The following GPC6 variants were observed in gnomAD, a reference collection of about 807,000 sequenced individuals.
GPC6 encodes the protein glypican 6, also known as glypican-6.
GPC6 carries 14 observed loss-of-function variants against 55.2 expected under a neutral mutation model. The ratio of observed to expected loss-of-function variants is 0.25; its 90% confidence interval spans 0.17 to 0.40. The LOEUF (loss-of-function observed/expected upper bound fraction) is 0.40, where lower values mean the gene tolerates loss of function less well. Among genes scored for constraint, GPC6 ranks in the 10% least tolerant of loss-of-function variants. The probability of loss-of-function intolerance (pLI) is 1.00; values close to 1 mark genes in which losing one functional copy is unlikely to be tolerated. For missense variants in GPC6, 641 were observed against 708.5 expected (o/e 0.90, Z 1.08); for synonymous variants, 278 against 259.6 (o/e 1.07, Z -0.68).
At chr13:94,376,299 C>G (rs986625437) in intron 6 of GPC6, among the ~76,000 whole-genome samples, 2 of 139,910 alleles carry the variant, frequency 1.4e-5, no homozygotes, top group Non-Finnish European at 3.1e-5. Context: ...TCTGGAAAAC[C>G]CCATTGTCTC....
intron 6 of GPC6, among the ~76,000 whole-genome samples, chr13:94,356,184 G>A (rs1217404894): frequency 6.6e-6 from 1 of 152,156 alleles, no homozygotes; most frequent in African/African-American, 2.4e-5. Flanking sequence ...TCTTTATCCA[G>A]TCTATCCTTG....
intron 3 of GPC6, among the ~76,000 whole-genome samples, chr13:93,919,045 C>G (rs551021008): frequency 1.3e-5 from 2 of 152,144 alleles, no homozygotes; most frequent in Non-Finnish European, 2.9e-5. Context: ...GCACCATCCC[C>G]TTGGTGACGA....
rs1292883451 is a variant in GPC6 at position 93,717,651 on chromosome 13, A to G, written c.320-112503A>G. On this transcript the variant is annotated intron_variant, in intron 2 of 8. Coordinates refer to ENST00000377047, the MANE Select transcript of GPC6 (RefSeq NM_005708.5). ...AATTATACTTTATGTTCTGGGATAC[A>G]TGTGCAGAATGTGCAGGTTTGTTAC... 5.3e-5 allele frequency among the ~76,000 whole-genome samples: 8 copies of G among 151,880 alleles called. No individual in the cohort carries two copies. The East Asian group carries it at 1.6e-3, about 30-fold the overall frequency.
In GPC6 at chr13:93,698,321, G is replaced by A. The variant is rs140312111; in HGVS notation, c.320-131833G>A. ...GACTCATTGTCATTAAGCATTCTTCGTTGCAATGAAAAGTCTGAAACAAAT... is the reference window on the plus strand; with the variant it reads ...GACTCATTGTCATTAAGCATTCTTCATTGCAATGAAAAGTCTGAAACAAAT... On this transcript the variant is annotated intron_variant, in intron 2 of 8. Transcript: ENST00000377047. Among the ~76,000 whole-genome samples the A allele has an allele frequency of 3.8e-4, 58 of 152,084 alleles. 1 individual carries two copies. The East Asian group carries it at 9.3e-3, about 24-fold the overall frequency.
intron 1 of GPC6, among the ~76,000 whole-genome samples, chr13:93,349,759 A>G (rs570406430): frequency 2.3e-3 from 345 of 152,268 alleles, no homozygotes; most frequent in Non-Finnish European, 3.9e-3. Flanking sequence ...TGTATCAGAC[A>G]CCAGTTTTAA....
At chr13:93,928,540 G>C (rs986844560) in intron 3 of GPC6, among the ~76,000 whole-genome samples, 3 of 152,064 alleles carry the variant, frequency 2.0e-5, no homozygotes, top group African/African-American at 7.2e-5. Flanking sequence ...AACACTCTTA[G>C]CCACAGAAGT....
Position 93,838,844 on chromosome 13 carries a change from G to A in GPC6, c.711+8299G>A, listed in dbSNP as rs9561457. ...TGTCCCCAGAGTCAGGGATGGAACTGTTTGGGAACAGTTGTCTGCCTGCTG... is the reference window on the plus strand; with the variant it reads ...TGTCCCCAGAGTCAGGGATGGAACTATTTGGGAACAGTTGTCTGCCTGCTG... On this transcript the variant is annotated intron_variant, in intron 3 of 8. Transcript: ENST00000377047. Among the ~76,000 whole-genome samples, 3 of 152,240 alleles carry A rather than the reference G, an allele frequency of 2.0e-5. No homozygotes were observed. In the East Asian group the frequency reaches 5.8e-4, roughly 29 times the overall value.
intron 3 of GPC6, among the ~76,000 whole-genome samples, chr13:93,964,125 C>G (rs1218890155): frequency 6.6e-6 from 1 of 152,094 alleles, no homozygotes; most frequent in East Asian, 1.9e-4. Flanking sequence ...ATGAGATCAT[C>G]TACTAGAAAG....
chr13:94,362,897 A>G (rs1215282868), intron 6 of GPC6, among the ~76,000 whole-genome samples: 1 of 152,208 alleles, frequency 6.6e-6, no homozygotes, highest in Non-Finnish European at 1.5e-5. Flanking sequence ...ATTTTACTTT[A>G]AGTTCTGGGA....
intron 6 of GPC6, among the ~76,000 whole-genome samples, chr13:94,377,283 T>C (rs9516409): frequency 0.81 from 95,268 of 117,248 alleles, 38,931 homozygotes; most frequent in African/African-American, 0.92. Context: ...AGAAAATTTT[T>C]GCAACCTACT....
intron 2 of GPC6, among the ~76,000 whole-genome samples, chr13:93,565,261 T>C (rs1876039764): frequency 6.6e-6 from 1 of 152,128 alleles, no homozygotes; most frequent in Non-Finnish European, 1.5e-5. Context: ...ATTTTCGACT[T>C]CAATTATGTA....
chr13:93,852,986 G>A (rs7326146), intron 3 of GPC6, among the ~76,000 whole-genome samples: 2 of 151,562 alleles, frequency 1.3e-5, no homozygotes, highest in African/African-American at 2.4e-5. Flanking sequence ...ATTTCAAGGG[G>A]ATAAAATGGT....
At chr13:93,947,902 A>G (rs1350988725) in intron 3 of GPC6, among the ~76,000 whole-genome samples, 2 of 152,164 alleles carry the variant, frequency 1.3e-5, no homozygotes, top group Non-Finnish European at 2.9e-5. Flanking sequence ...TCCGTGATAG[A>G]AGGGCAGATG....
At chr13:93,681,678 GT>G (rs1315205182) in intron 2 of GPC6, among the ~76,000 whole-genome samples, 1 of 152,070 alleles carries the variant, frequency 6.6e-6, no homozygotes, top group African/African-American at 2.4e-5. Context: ...TATTTCTTCA[GT>G]TTTAAAGGAA....
At chr13:94,368,386 C>A (rs879363805) in intron 6 of GPC6, among the ~76,000 whole-genome samples, 17 of 152,072 alleles carry the variant, frequency 1.1e-4, no homozygotes, top group Non-Finnish European at 1.9e-4. Context: ...ATCCCCAAGA[C>A]TTATTTAGAA....
chr13:93,259,742 A>T (rs1877072583), intron 1 of GPC6, among the ~76,000 whole-genome samples: 1 of 152,140 alleles, frequency 6.6e-6, no homozygotes, highest in Non-Finnish European at 1.5e-5. Context: ...GTTCCAGAGT[A>T]TACATAGGAG....
At chr13:93,319,064 G>A (rs910438169) in intron 1 of GPC6, among the ~76,000 whole-genome samples, 1 of 152,094 alleles carries the variant, frequency 6.6e-6, no homozygotes, top group African/African-American at 2.4e-5. Flanking sequence ...ACTTCCGATA[G>A]CACTGGCAGA....
At position 93,325,910 on chromosome 13, in the gene GPC6, A is replaced by T. The variant is rs773858329; in HGVS notation, c.160+98294A>T. Among the ~76,000 whole-genome samples, 3 of 152,140 alleles carry T rather than the reference A, an allele frequency of 2.0e-5. No individual in the cohort carries two copies. The East Asian group carries it at 5.8e-4, about 29-fold the overall frequency. ...AGGAGGTATTCAGGGCCCTGCCTGC[A>T]TGGTTACCACTTTTATTCATTCAAC... is the stretch of plus-strand genomic sequence containing the variant. On this transcript the variant is annotated intron_variant, in intron 1 of 8. Coordinates refer to ENST00000377047, the MANE Select transcript of GPC6 (RefSeq NM_005708.5).
Position 93,686,111 on chromosome 13 carries a change from A to T in GPC6, c.319+140690A>T, listed in dbSNP as rs191432418. ...TAGCAGTTTTGATAAGTCAGCATTT[A>T]TCTTATATTGTGTCCTATATGAGTA... On this transcript the variant is annotated intron_variant, in intron 2 of 8. Coordinates refer to ENST00000377047, the MANE Select transcript of GPC6 (RefSeq NM_005708.5). 2.5e-4 allele frequency among the ~76,000 whole-genome samples: 38 copies of T among 152,242 alleles called. No individual in the cohort carries two copies. The South Asian group carries it at 3.5e-3, about 14-fold the overall frequency.
Sources: allele counts gnomAD v4.1 joint callset (sites outside exome capture counted in the v4.1 genomes callset), GRCh38; gene constraint gnomAD v4.1.1; transcripts MANE v1.5; gene names NCBI Gene and HGNC (gene_info 2026-07-23, HGNC 2026-07-21).